The following DDX6 variants were observed in gnomAD, a reference collection of about 807,000 sequenced individuals.
DDX6 encodes the protein DEAD-box helicase 6.
Under a neutral mutation model 60.6 loss-of-function variants are expected in DDX6, and 7 were observed. The observed-to-expected ratio is 0.12, with a 90% CI of 0.07 to 0.22. The LOEUF (loss-of-function observed/expected upper bound fraction) is 0.22. DDX6 is among the 10% of genes least tolerant of loss of function. DDX6 has a pLI of 1.00. For synonymous variants in DDX6, 207 were observed against 201.0 expected, an observed-to-expected ratio of 1.03 and a Z score of -0.25; for missense variants, 270 against 589.9, an observed-to-expected ratio of 0.46 and a Z score of 5.62.
chr11:118,775,388 A>T (rs946097556), intron 4 of DDX6, among the ~76,000 whole-genome samples: 1 of 152,192 alleles, frequency 6.6e-6, no homozygotes, highest in Non-Finnish European at 1.5e-5. Flanking sequence ...ATAAAAATTT[A>T]AAAAATTTTT....
intron 13 of DDX6, among the ~76,000 whole-genome samples, chr11:118,753,281 C>T (rs1333746314): frequency 6.6e-6 from 1 of 151,008 alleles, no homozygotes; most frequent in Non-Finnish European, 1.5e-5. Context: ...CCACCCACCT[C>T]GGCCTCCCAA....
Position 118,756,029 on chromosome 11 carries a change from C to CCCA in DDX6, c.1174+230_1174+231insTGG, listed in dbSNP as rs1491121650. Among the ~76,000 whole-genome samples, 36 of 95,030 alleles carry CCCA rather than the reference C, an allele frequency of 3.8e-4. 1 individual carries two copies. Among genetic ancestry groups the CCCA allele is most frequent in the African/African-American group, 1.1e-3 (28 of 25,108 alleles). The allele number at this position is 95,030 out of a possible 152,430, so 62.3% of individuals were successfully genotyped here. ...ATTCCATCCCCCTCCCCCCCCCCCC[C>CCCA]AAAAAAAAGACAGAGATGAGGTATG... On this transcript the variant is annotated intron_variant, in intron 11 of 13. Coordinates refer to ENST00000534980, the MANE Select transcript of DDX6 (RefSeq NM_004397.6).
rs187039263 is a variant in DDX6 at position 118,754,574 on chromosome 11, T to C, written c.*7+131A>G. On this transcript the variant is annotated intron_variant, in intron 13 of 13. Transcript: ENST00000534980. ...CTCCCACAAGAGATATTATTTACTG[T>C]CATTTATGCTAGTGGGTATTTTACC... is the stretch of plus-strand genomic sequence containing the variant. The C allele has an allele frequency of 6.8e-5, 50 of 731,946 alleles. No homozygotes were observed. In the Admixed American group the frequency reaches 1.5e-3, roughly 22 times the overall value. The allele number at this position is 731,946 out of a possible 1,614,324, so 45.3% of individuals were successfully genotyped here.
At chr11:118,765,467 G>T in intron 5 of DDX6, 112 bp from the exon 6 acceptor site, 1 of 1,124,974 alleles carries the variant, frequency 8.9e-7, no homozygotes, top group Non-Finnish European at 1.3e-6. Context: ...GCCTTATGAT[G>T]CAGTGGCTCA....
At position 118,786,295 on chromosome 11, in the gene DDX6, A is replaced by C; in HGVS notation, c.-44T>G. ...GTCTTTCAAACTTCAAAACTTTTGA[A>C]AGTCAGTAGAGAAACTGTAATAACA... On this transcript the variant is annotated 5_prime_UTR_variant, in exon 2 of 14. Transcript: ENST00000534980. The C allele has an allele frequency of 4.6e-6, 7 of 1,529,910 alleles. No homozygotes were observed. The highest frequency in any genetic ancestry group is 6.2e-6 in the Non-Finnish European group (7 of 1,124,884). 94.8% of individuals were successfully genotyped at this position (1,529,910 alleles called of 1,614,324 possible). A position where few individuals can be genotyped will look rare whatever the true frequency, so the allele number is the denominator to read the frequency against.
At chr11:118,780,984 T>C in intron 3 of DDX6, 137 bp downstream of exon 3, 1 of 558,948 alleles carries the variant, frequency 1.8e-6, no homozygotes, top group Non-Finnish European at 3.3e-6. Flanking sequence ...CCTGAATATC[T>C]ATCTTACTGG....
chr11:118,788,383 T>C (rs1555165899), intron 1 of DDX6: 3 of 152,184 alleles, frequency 2.0e-5, no homozygotes, highest in Non-Finnish European at 1.5e-5. Flanking sequence ...TAAATGGAAA[T>C]CTTACTTACT....
chr11:118,771,637 C>T (rs1464776727), intron 4 of DDX6, among the ~76,000 whole-genome samples: 3 of 152,202 alleles, frequency 2.0e-5, no homozygotes, highest in African/African-American at 4.8e-5. Context: ...AGGAAGGAAA[C>T]GAAAACTTTT....
chr11:118,785,057 T>A (rs999291256), intron 2 of DDX6, among the ~76,000 whole-genome samples: 10 of 152,304 alleles, frequency 6.6e-5, no homozygotes, highest in African/African-American at 2.4e-4. Context: ...CGTGTGCCAC[T>A]GCACCCGGAC....
At chr11:118,772,764 G>A (rs931298278) in intron 4 of DDX6, among the ~76,000 whole-genome samples, 2 of 152,160 alleles carry the variant, frequency 1.3e-5, no homozygotes, top group Non-Finnish European at 2.9e-5. Context: ...GATAATGACT[G>A]AAGAGTATTT....
At chr11:118,765,442 C>G in intron 5 of DDX6, 87 bp from the exon 6 acceptor site, 1 of 1,411,644 alleles carries the variant, frequency 7.1e-7, no homozygotes, top group Non-Finnish European at 9.9e-7. Context: ...ATTTAAGAAG[C>G]TATAGAAATA....
At chr11:118,767,008 C>G (rs1225897129) in intron 5 of DDX6, among the ~76,000 whole-genome samples, 1 of 151,942 alleles carries the variant, frequency 6.6e-6, no homozygotes, top group Non-Finnish European at 1.5e-5. Flanking sequence ...GCCTCAGCCT[C>G]CTTGAGTAGC....
chr11:118,756,433 A>G, intron 10 of DDX6, 110 bp from the exon 11 acceptor site: 1 of 742,394 alleles, frequency 1.3e-6, no homozygotes, highest in Non-Finnish European at 2.2e-6. Flanking sequence ...TTTATAAGTG[A>G]TCCATGATAT....
At position 118,751,660 on chromosome 11, in the gene DDX6, A is replaced by T. The variant is rs185189816; in HGVS notation, c.*445T>A. 2 of 212,606 alleles carry T rather than the reference A, an allele frequency of 9.4e-6. No homozygotes were observed. Among genetic ancestry groups the T allele is most frequent in the Non-Finnish European group, 1.9e-5 (2 of 103,306 alleles). The allele number at this position is 212,606 out of a possible 1,614,324, so 13.2% of individuals were successfully genotyped here. ...TCATAGCATAAGGCACTTCGCACAA[A>T]TAAGTAATAAGCTCTTCAGGCTTAA... On this transcript the variant is annotated 3_prime_UTR_variant, in exon 14 of 14. Coordinates refer to ENST00000534980, the MANE Select transcript of DDX6 (RefSeq NM_004397.6).
In DDX6 at chr11:118,750,920, A is replaced by C. The variant is rs1860739849; in HGVS notation, c.*1185T>G. The C allele has an allele frequency of 6.6e-6, 1 of 152,482 alleles. No homozygotes were observed. Among genetic ancestry groups the C allele is most frequent in the African/African-American group, 2.4e-5 (1 of 41,464 alleles). 9.4% of individuals were successfully genotyped at this position (152,482 alleles called of 1,614,324 possible). A position where few individuals can be genotyped will look rare whatever the true frequency, so the allele number is the denominator to read the frequency against. On this transcript the variant is annotated 3_prime_UTR_variant, in exon 14 of 14. Transcript: ENST00000534980. ...CTTTACTAACACAGGGTACCATAGA[A>C]ATCTGCTCTCTACAGCACGAGGCCA...
At chr11:118,754,645 A>ATTT in intron 13 of DDX6, 60 bp downstream of exon 13, 2 of 1,471,422 alleles carry the variant, frequency 1.4e-6, no homozygotes, top group Non-Finnish European at 1.8e-6. Flanking sequence ...TCCCCCAGGA[A>ATTT]AGAAGATTTT....
At chr11:118,763,726 C>G (rs1443494756) in intron 6 of DDX6, among the ~76,000 whole-genome samples, 4 of 151,412 alleles carry the variant, frequency 2.6e-5, no homozygotes, top group South Asian at 2.1e-4. Flanking sequence ...CCCAGCTACT[C>G]AGGAGGCTGA....
rs782418546 is a variant in DDX6 at position 118,749,716 on chromosome 11, G to C, written c.*2389C>G. ...CTACATGAATGATCCCTCTTATCTC[G>C]CAAGAGGTGGGGGAGAAAGAGAGCT... On this transcript the variant is annotated 3_prime_UTR_variant, in exon 14 of 14. Coordinates refer to ENST00000534980, the MANE Select transcript of DDX6 (RefSeq NM_004397.6). The C allele has an allele frequency of 2.0e-5, 3 of 152,598 alleles. No homozygotes were observed. The highest frequency in any genetic ancestry group is 4.4e-5 in the Non-Finnish European group (3 of 68,024). 9.5% of individuals were successfully genotyped at this position (152,598 alleles called of 1,614,324 possible).
At chr11:118,782,173 T>C (rs4938542) in intron 2 of DDX6, among the ~76,000 whole-genome samples, 152,300 of 152,302 alleles carry the variant, frequency 1, 76,149 homozygotes, top group Middle Eastern at 1. Context: ...AAGGCTCCGT[T>C]CCAAATAAAT....
Sources: allele counts gnomAD v4.1 joint callset (sites outside exome capture counted in the v4.1 genomes callset), GRCh38; gene constraint gnomAD v4.1.1; transcripts MANE v1.5; gene names NCBI Gene and HGNC (gene_info 2026-07-23, HGNC 2026-07-21).